The following BRINP3 variants were observed in gnomAD, a reference collection of about 807,000 sequenced individuals.
BRINP3 encodes BMP/retinoic acid-inducible neural-specific protein 3.
A neutral mutation model predicts 71.0 loss-of-function variants in BRINP3; 19 were observed. That is an observed-to-expected ratio of 0.27 (90% CI 0.19 to 0.39). The LOEUF (loss-of-function observed/expected upper bound fraction) is 0.39, where lower values mean the gene tolerates loss of function less well. Among genes scored for constraint, BRINP3 ranks in the 10% least tolerant of loss-of-function variants. The pLI is 1.00. For missense variants in BRINP3, 959 were observed against 940.8 expected (o/e 1.02, Z -0.25); for synonymous variants, 380 against 337.7 (o/e 1.13, Z -1.37).
Position 190,434,549 on chromosome 1 carries a change from G to T in BRINP3, c.236+20106C>A, listed in dbSNP as rs549363271. Among the ~76,000 whole-genome samples the T allele has an allele frequency of 7.9e-5, 12 of 151,690 alleles. No individual in the cohort carries two copies. The East Asian group carries it at 2.1e-3, about 27-fold the overall frequency. ...TCTGTCTATTTAGGTTATAATGATAGGCATTACACTATAGACATTAAAGCT... is the reference window on the plus strand; with the variant it reads ...TCTGTCTATTTAGGTTATAATGATATGCATTACACTATAGACATTAAAGCT... On this transcript the variant is annotated intron_variant, in intron 2 of 7. Transcript: ENST00000367462.
chr1:190,245,194 G>A (rs1659473481), intron 4 of BRINP3, among the ~76,000 whole-genome samples: 1 of 150,974 alleles, frequency 6.6e-6, no homozygotes, highest in Admixed American at 6.6e-5. Context: ...AGACAGAAGT[G>A]GATTTCTTGT....
chr1:190,364,282 G>T (rs1397827743), intron 2 of BRINP3, among the ~76,000 whole-genome samples: 1 of 151,956 alleles, frequency 6.6e-6, no homozygotes, highest in African/African-American at 2.4e-5. Flanking sequence ...GCATAAGTTG[G>T]AACTGGTCTG....
chr1:190,374,162 C>G (rs1390423971), intron 2 of BRINP3, among the ~76,000 whole-genome samples: 1 of 151,954 alleles, frequency 6.6e-6, no homozygotes, highest in African/African-American at 2.4e-5. Flanking sequence ...CATACATATG[C>G]ACAAATTATA....
chr1:190,256,402 C>T (rs1660666369), intron 4 of BRINP3, among the ~76,000 whole-genome samples: 1 of 152,124 alleles, frequency 6.6e-6, no homozygotes, highest in Non-Finnish European at 1.5e-5. Flanking sequence ...AGATGGGTCT[C>T]CTGAATACAG....
intron 4 of BRINP3, among the ~76,000 whole-genome samples, chr1:190,239,810 G>T (rs567850774): frequency 6.6e-6 from 1 of 151,910 alleles, no homozygotes; most frequent in African/African-American, 2.4e-5. Flanking sequence ...TGCAAATTTG[G>T]ATTTTCATAC....
At chr1:190,284,034 G>A (rs1380530130) in intron 2 of BRINP3, among the ~76,000 whole-genome samples, 2 of 151,804 alleles carry the variant, frequency 1.3e-5, no homozygotes, top group African/African-American at 4.8e-5. Flanking sequence ...TTGATTCAAT[G>A]GTAATATTTT....
At chr1:190,335,180 T>C (rs1369704564) in intron 2 of BRINP3, among the ~76,000 whole-genome samples, 1 of 151,818 alleles carries the variant, frequency 6.6e-6, no homozygotes, top group Non-Finnish European at 1.5e-5. Flanking sequence ...TCTTGCCAAA[T>C]TATGACAAAA....
At chr1:190,445,066 A>G (rs965427777) in intron 2 of BRINP3, among the ~76,000 whole-genome samples, 1 of 152,184 alleles carries the variant, frequency 6.6e-6, no homozygotes, top group Non-Finnish European at 1.5e-5. Context: ...TTGGAAAATT[A>G]TTATATCCTA....
intron 3 of BRINP3, among the ~76,000 whole-genome samples, chr1:190,280,472 AATGATG>A (rs540979161): frequency 3.3e-5 from 5 of 152,002 alleles, no homozygotes; most frequent in Admixed American, 6.6e-5. Context: ...GGAAAAAAAA[AATGATG>A]ATGTCTTGGT....
intron 7 of BRINP3, among the ~76,000 whole-genome samples, chr1:190,136,391 T>C (rs905873034): frequency 4.6e-5 from 7 of 152,122 alleles, no homozygotes; most frequent in Non-Finnish European, 1.0e-4. Flanking sequence ...TCTTAGGCTA[T>C]GTACCTAGCC....
At chr1:190,118,725 G>A (rs1432979387) in intron 7 of BRINP3, among the ~76,000 whole-genome samples, 1 of 152,138 alleles carries the variant, frequency 6.6e-6, no homozygotes, top group Non-Finnish European at 1.5e-5. Context: ...CATAATAAAG[G>A]TAATGGTATT....
intron 2 of BRINP3, among the ~76,000 whole-genome samples, chr1:190,357,976 G>A (rs1286775325): frequency 6.6e-6 from 1 of 151,338 alleles, no homozygotes; most frequent in African/African-American, 2.5e-5. Flanking sequence ...GCTGAAACTG[G>A]ATCCCTTCCT....
chr1:190,320,952 G>T (rs1274897473), intron 2 of BRINP3, among the ~76,000 whole-genome samples: 2 of 150,984 alleles, frequency 1.3e-5, no homozygotes. Flanking sequence ...ATGTATATAT[G>T]TTATATATAT....
intron 4 of BRINP3, among the ~76,000 whole-genome samples, chr1:190,247,367 A>AT (rs1659707131): frequency 1.3e-5 from 2 of 151,942 alleles, no homozygotes; most frequent in East Asian, 1.9e-4. Context: ...CCAAAGTGTA[A>AT]TTTTTTCATT....
intron 2 of BRINP3, among the ~76,000 whole-genome samples, chr1:190,293,325 G>A (rs561965452): frequency 2.6e-5 from 4 of 151,972 alleles, no homozygotes; most frequent in Non-Finnish European, 5.9e-5. Context: ...TATTTGTACA[G>A]TTTCCATCAT....
At chr1:190,470,928 A>C (rs1431477739) in intron 1 of BRINP3, among the ~76,000 whole-genome samples, 3 of 151,198 alleles carry the variant, frequency 2.0e-5, no homozygotes, top group African/African-American at 7.2e-5. Flanking sequence ...TATTTTGAGT[A>C]TGAAATTGGG....
chr1:190,450,131 G>A (rs865954625), intron 2 of BRINP3, among the ~76,000 whole-genome samples: 9 of 152,210 alleles, frequency 5.9e-5, no homozygotes, highest in African/African-American at 1.9e-4. Flanking sequence ...GAGAGAGAGA[G>A]ATCATTTTTC....
chr1:190,342,768 A>G (rs768837679), intron 2 of BRINP3: 3 of 151,842 alleles, frequency 2.0e-5, no homozygotes, highest in Admixed American at 6.6e-5. Flanking sequence ...AAGTAACAAT[A>G]CTTCTGATCT....
At chr1:190,401,204 G>A (rs61818785) in intron 2 of BRINP3, among the ~76,000 whole-genome samples, 22,681 of 151,374 alleles carry the variant, frequency 0.15, 1,942 homozygotes, top group Middle Eastern at 0.21. Flanking sequence ...CCAAAAACAT[G>A]AAAATTAGCT....
Sources: gnomAD v4.1 joint callset for allele counts (sites outside exome capture counted in the v4.1 genomes callset) on GRCh38, gnomAD v4.1.1 for gene constraint, MANE v1.5 for transcripts, NCBI Gene and HGNC (gene_info 2026-07-23, HGNC 2026-07-21) for gene names.